The following LHFPL3 variants were observed in gnomAD, a reference collection of about 807,000 sequenced individuals.
The protein encoded by LHFPL3 is LHFPL tetraspan subfamily member 3, also known as LHFPL tetraspan subfamily member 3 protein.
Under a neutral mutation model 19.3 loss-of-function variants are expected in LHFPL3, and 5 were observed. The ratio of observed to expected loss-of-function variants is 0.26; its 90% CI spans 0.14 to 0.54. LHFPL3 has a LOEUF of 0.54. LHFPL3 is among the 20% of genes least tolerant of loss of function. The probability of loss-of-function intolerance (pLI) is 0.94; values close to 1 mark genes in which losing one functional copy is unlikely to be tolerated. For missense variants in LHFPL3, 249 were observed against 307.4 expected, an observed-to-expected ratio of 0.81 and a Z score of 1.42; for synonymous variants, 133 against 126.2, an observed-to-expected ratio of 1.05 and a Z score of -0.36.
intron 1 of LHFPL3, among the ~76,000 whole-genome samples, chr7:104,562,417 C>A (rs557795632): frequency 6.6e-6 from 1 of 152,320 alleles, no homozygotes; most frequent in Non-Finnish European, 1.5e-5. Context: ...TCCCTTCTCG[C>A]TTCATTTCAT....
chr7:104,597,982 C>G (rs1173902607), intron 1 of LHFPL3, among the ~76,000 whole-genome samples: 1 of 151,830 alleles, frequency 6.6e-6, no homozygotes, highest in Non-Finnish European at 1.5e-5. Context: ...GAACAAATAT[C>G]AAAATTATGG....
chr7:104,519,400 A>C (rs994904031), intron 1 of LHFPL3, among the ~76,000 whole-genome samples: 4 of 152,206 alleles, frequency 2.6e-5, no homozygotes, highest in African/African-American at 9.6e-5. Flanking sequence ...GGTCAAATTC[A>C]TGTTTAAGGA....
intron 2 of LHFPL3, among the ~76,000 whole-genome samples, chr7:104,781,103 G>GA (rs972582752): frequency 1.3e-5 from 2 of 151,516 alleles, no homozygotes; most frequent in East Asian, 3.9e-4. Flanking sequence ...ATATCAGAGG[G>GA]AAAAAAAAAT....
At chr7:104,568,083 G>A (rs546510019) in intron 1 of LHFPL3, among the ~76,000 whole-genome samples, 8 of 152,172 alleles carry the variant, frequency 5.3e-5, no homozygotes, top group South Asian at 4.2e-4. Context: ...CTTCAGTTCC[G>A]CACCTCTCCT....
chr7:104,813,851 C>G (rs2465063), intron 2 of LHFPL3, among the ~76,000 whole-genome samples: 31,368 of 152,168 alleles, frequency 0.21, 3,415 homozygotes, highest in Middle Eastern at 0.29. Flanking sequence ...GAGTCATAGC[C>G]CTGACTTGGG....
At chr7:104,622,082 A>G (rs1791455660) in intron 1 of LHFPL3, among the ~76,000 whole-genome samples, 1 of 152,180 alleles carries the variant, frequency 6.6e-6, no homozygotes, top group South Asian at 2.1e-4. Flanking sequence ...GTTGGCTGCA[A>G]CAATATCCCC....
At chr7:104,731,595 G>C (rs1262167020) in intron 1 of LHFPL3, among the ~76,000 whole-genome samples, 1 of 151,818 alleles carries the variant, frequency 6.6e-6, no homozygotes, top group African/African-American at 2.4e-5. Flanking sequence ...CTTTGCTGAA[G>C]TTGCTTATCA....
At chr7:104,551,562 A>G (rs915668385) in intron 1 of LHFPL3, among the ~76,000 whole-genome samples, 7 of 152,224 alleles carry the variant, frequency 4.6e-5, no homozygotes, top group Admixed American at 2.0e-4. Context: ...TATTTTGAAC[A>G]CAGAATAATT....
chr7:104,441,057 A>C (rs536682467), intron 1 of LHFPL3, among the ~76,000 whole-genome samples: 1 of 152,272 alleles, frequency 6.6e-6, no homozygotes, highest in Admixed American at 6.5e-5. Flanking sequence ...TCTTAACATG[A>C]GATCTACCCT....
chr7:104,582,359 T>G (rs1174297885), intron 1 of LHFPL3, among the ~76,000 whole-genome samples: 1 of 152,008 alleles, frequency 6.6e-6, no homozygotes, highest in Non-Finnish European at 1.5e-5. Context: ...TTCTAATAAT[T>G]GTATTTAGAA....
chr7:104,475,905 T>C (rs146158885), intron 1 of LHFPL3, among the ~76,000 whole-genome samples: 1 of 152,326 alleles, frequency 6.6e-6, no homozygotes, highest in African/African-American at 2.4e-5. Context: ...ATGATTTTTT[T>C]ACTAGCAATT....
intron 2 of LHFPL3, among the ~76,000 whole-genome samples, chr7:104,842,549 G>A (rs2116591670): frequency 6.6e-6 from 1 of 152,276 alleles, no homozygotes; most frequent in South Asian, 2.1e-4. Context: ...TGAGCTCACT[G>A]ACAGTCCAGG....
chr7:104,800,817 C>T (rs1018762947), intron 2 of LHFPL3, among the ~76,000 whole-genome samples: 1 of 152,176 alleles, frequency 6.6e-6, no homozygotes, highest in Non-Finnish European at 1.5e-5. Context: ...ACACCCTCAA[C>T]TCCAGAGCCA....
intron 1 of LHFPL3, among the ~76,000 whole-genome samples, chr7:104,375,675 A>G (rs950582123): frequency 2.0e-5 from 3 of 152,326 alleles, no homozygotes; most frequent in Admixed American, 6.5e-5. Context: ...TGCACAGTTC[A>G]ACCCTAGAAA....
At chr7:104,804,133 T>C (rs1351233907) in intron 2 of LHFPL3, 1 of 152,248 alleles carries the variant, frequency 6.6e-6, no homozygotes, top group Non-Finnish European at 1.5e-5. Context: ...AGAGCATATC[T>C]TTCCAGGATT....
chr7:104,401,482 C>G (rs1232214502), intron 1 of LHFPL3, among the ~76,000 whole-genome samples: 1 of 151,770 alleles, frequency 6.6e-6, no homozygotes, highest in Non-Finnish European at 1.5e-5. Flanking sequence ...TTGTATTTAC[C>G]AAATAGAAAA....
chr7:104,332,271 C>T (rs961536800), intron 1 of LHFPL3, among the ~76,000 whole-genome samples: 10 of 132,566 alleles, frequency 7.5e-5, no homozygotes, highest in African/African-American at 2.9e-4. Context: ...GCTCTGTCAC[C>T]CAGGCTGGAG....
At chr7:104,460,637 TG>T (rs1287946181) in intron 1 of LHFPL3, among the ~76,000 whole-genome samples, 1 of 152,194 alleles carries the variant, frequency 6.6e-6, no homozygotes, top group African/African-American at 2.4e-5. Flanking sequence ...GTTGCCCACA[TG>T]TATGTCTTCT....
At chr7:104,557,113 G>C (rs2115929081) in intron 1 of LHFPL3, among the ~76,000 whole-genome samples, 1 of 152,256 alleles carries the variant, frequency 6.6e-6, no homozygotes, top group Admixed American at 6.5e-5. Flanking sequence ...ACATTTGACT[G>C]TTTTCTTCTA....
Sources: allele counts gnomAD v4.1 joint callset (sites outside exome capture counted in the v4.1 genomes callset), GRCh38; gene constraint gnomAD v4.1.1; transcripts MANE v1.5; gene names NCBI Gene and HGNC (gene_info 2026-07-23, HGNC 2026-07-21).